Variants in ALDH3B2 observed in about 807,000 individuals in gnomAD.
ALDH3B2 encodes aldehyde dehydrogenase 3 family member B2, also known as aldehyde dehydrogenase family 3 member B2.
Under a neutral mutation model 36.7 loss-of-function variants are expected in ALDH3B2, and 45 were observed. The ratio of observed to expected loss-of-function variants is 1.23; its 90% confidence interval spans 0.97 to 1.57. The LOEUF (loss-of-function observed/expected upper bound fraction) is 1.57. Among genes scored for constraint, ALDH3B2 ranks in the 40% most tolerant of loss-of-function variants. The probability of loss-of-function intolerance (pLI) is 0.00; values close to 1 mark genes in which losing one functional copy is unlikely to be tolerated. For synonymous variants in ALDH3B2, 217 were observed against 226.5 expected (o/e 0.96, Z 0.38); for missense variants, 464 against 513.3 (o/e 0.90, Z 0.93).
Position 67,663,203 on chromosome 11 carries a change from C to T in ALDH3B2, c.*12G>A, listed in dbSNP as rs776603539. On this transcript the variant is annotated 3_prime_UTR_variant, in exon 10 of 10. Transcript: ENST00000349015. ...GTTTCTCTGTGTGACCCGTTGGAGG[C>T]GGGTGGGACGCTCACAGGAGGGTGC... The T allele has an allele frequency of 3.0e-5, 48 of 1,591,436 alleles. No homozygotes were observed. The East Asian group carries it at 4.0e-4, about 13-fold the overall frequency.
rs761921125 is a variant in ALDH3B2 at position 67,666,887 on chromosome 11, G to A, written c.30+19C>T. 1.2e-4 allele frequency: 194 copies of A among 1,614,048 alleles called. No homozygotes were observed. The highest frequency in any genetic ancestry group is 6.2e-4 in the Admixed American group (37 of 60,012). ...CGGTGCCCTGCCCTGCCCTCCTGCC[G>A]CCTGCCAGCAGGGCTCACCAGGTTC... is the stretch of plus-strand genomic sequence containing the variant. On this transcript the variant is annotated intron_variant, in intron 3 of 9. Transcript: ENST00000349015.
rs1293315587 is a variant in ALDH3B2, at chr11:67,666,904, A to C, written c.30+2T>G. 1 of 1,614,194 alleles carries C rather than the reference A, an allele frequency of 6.2e-7. No individual in the cohort carries two copies. The highest frequency in any genetic ancestry group is 8.5e-7 in the Non-Finnish European group (1 of 1,180,030). On this transcript the variant is annotated splice_donor_variant, in intron 3 of 9. Transcript: ENST00000349015. LOFTEE classifies it high-confidence loss of function. ...CTCCTGCCGCCTGCCAGCAGGGCTCACCAGGTTCGTGGACCGTGGTTCATC... is the reference window on the plus strand; with the variant it reads ...CTCCTGCCGCCTGCCAGCAGGGCTCCCCAGGTTCGTGGACCGTGGTTCATC...
chr11:67,669,898 G>A (rs1369595138), intron 1 of ALDH3B2, among the ~76,000 whole-genome samples: 1 of 146,412 alleles, frequency 6.8e-6, no homozygotes, highest in Non-Finnish European at 1.5e-5. Context: ...GTATGGGTGT[G>A]TGTGTCCACG....
intron 7 of ALDH3B2, among the ~76,000 whole-genome samples, chr11:67,664,786 C>T (rs1855851007): frequency 6.6e-6 from 1 of 152,240 alleles, no homozygotes; most frequent in Non-Finnish European, 1.5e-5. Context: ...CTGTGGGGCG[C>T]AGAGAATCCC....
At chr11:67,665,698 CCAGT>C (rs1372169149) in intron 6 of ALDH3B2, 27 bp from the exon 7 acceptor site, 1 of 1,582,162 alleles carries the variant, frequency 6.3e-7, no homozygotes, top group Non-Finnish European at 8.6e-7. Flanking sequence ...ACCAGAGTGG[CCAGT>C]CAGTGACCTG....
chr11:67,678,771 G>GTA (rs1017885051), upstream of ALDH3B2, among the ~76,000 whole-genome samples: 6 of 144,628 alleles, frequency 4.1e-5, no homozygotes, highest in Non-Finnish European at 9.0e-5. Context: ...ACACGCTATG[G>GTA]TATATATATA....
At chr11:67,666,841 G>A (rs1038210652) in intron 3 of ALDH3B2, 65 bp downstream of exon 3, 2 of 1,612,694 alleles carry the variant, frequency 1.2e-6, no homozygotes, top group East Asian at 2.2e-5. Context: ...GGGGCAGAAG[G>A]GGGCCTGGGC....
intron 1 of ALDH3B2, among the ~76,000 whole-genome samples, chr11:67,680,533 C>T (rs767216436): frequency 1.2e-4 from 18 of 152,120 alleles, no homozygotes; most frequent in Non-Finnish European, 2.4e-4. Flanking sequence ...CCTCCAGCCT[C>T]GGCCTCCTGA....
chr11:67,668,704 T>G (rs1855990759), intron 1 of ALDH3B2, among the ~76,000 whole-genome samples: 1 of 149,280 alleles, frequency 6.7e-6, no homozygotes, highest in Non-Finnish European at 1.5e-5. Flanking sequence ...GTATGGGTAC[T>G]GTGTGTCTTT....
At chr11:67,678,588 G>GAT (rs1317170534), upstream of ALDH3B2, among the ~76,000 whole-genome samples, 3 of 150,288 alleles carry the variant, frequency 2.0e-5, no homozygotes, top group South Asian at 2.1e-4. Context: ...AAGAAACTAT[G>GAT]ATATATATAT....
upstream of ALDH3B2, among the ~76,000 whole-genome samples, chr11:67,677,615 G>A (rs1856295158): frequency 6.6e-6 from 1 of 152,022 alleles, no homozygotes; most frequent in Non-Finnish European, 1.5e-5. Context: ...GCAATCAGAT[G>A]AGAAAAAGAA....
exon 10 of ALDH3B2, chr11:67,662,203 T>C (rs996486475): frequency 6.6e-5 from 10 of 152,364 alleles, no homozygotes; most frequent in African/African-American, 2.2e-4. Context: ...AGAGGATTCC[T>C]ATCTGGGCTA....
chr11:67,667,477 T>G, exon 2 of ALDH3B2: 1 of 381,694 alleles, frequency 2.6e-6, no homozygotes, highest in Non-Finnish European at 4.9e-6. Flanking sequence ...GCCCACCTTA[T>G]GCAGGTCCTG....
chr11:67,677,632 G>A (rs527958894), upstream of ALDH3B2, among the ~76,000 whole-genome samples: 2 of 152,180 alleles, frequency 1.3e-5, no homozygotes, highest in East Asian at 1.9e-4. Context: ...AGAAATAGGG[G>A]CATCTGAATC....
At chr11:67,664,646 G>T in intron 7 of ALDH3B2, 84 bp from the exon 8 acceptor site, 1 of 1,539,190 alleles carries the variant, frequency 6.5e-7, no homozygotes, top group Non-Finnish European at 8.7e-7. Context: ...ACAGGGGCAT[G>T]GGCCAGGGCT....
chr11:67,675,391 C>A (rs888317710), upstream of ALDH3B2, among the ~76,000 whole-genome samples: 2 of 152,208 alleles, frequency 1.3e-5, no homozygotes, highest in African/African-American at 2.4e-5. Context: ...AATGTTTCCA[C>A]AAGTATTTGC....
chr11:67,664,971 C>T (rs1323025844), intron 7 of ALDH3B2, among the ~76,000 whole-genome samples: 2 of 152,152 alleles, frequency 1.3e-5, no homozygotes, highest in African/African-American at 4.8e-5. Flanking sequence ...GGATCATGGG[C>T]TCGGAGAATC....
chr11:67,664,606 A>G (rs1855846497), intron 7 of ALDH3B2, 44 bp from the exon 8 acceptor site: 1 of 1,605,932 alleles, frequency 6.2e-7, no homozygotes, highest in East Asian at 2.2e-5. Flanking sequence ...CACAGTCAGG[A>G]CTGCCCCCAG....
At chr11:67,667,756 C>A (rs975011732) in intron 1 of ALDH3B2, 121 bp from the exon 2 acceptor site, 1 of 216,246 alleles carries the variant, frequency 4.6e-6, no homozygotes. Context: ...CTCACAGACA[C>A]CCCACCTCAT....
Sources: allele counts gnomAD v4.1 joint callset (sites outside exome capture counted in the v4.1 genomes callset), GRCh38; gene constraint gnomAD v4.1.1; transcripts MANE v1.5; gene names NCBI Gene and HGNC (gene_info 2026-07-23, HGNC 2026-07-21).